The following INSR variants were observed in gnomAD, a reference collection of about 807,000 sequenced individuals.
INSR encodes IR.
A neutral mutation model predicts 142.6 loss-of-function variants in INSR; 67 were observed. The ratio of observed to expected loss-of-function variants is 0.47; its 90% CI spans 0.39 to 0.58. The LOEUF (loss-of-function observed/expected upper bound fraction) is 0.58, where lower values mean the gene tolerates loss of function less well. Among genes scored for constraint, INSR ranks in the 20% least tolerant of loss-of-function variants. The probability of loss-of-function intolerance (pLI) is 0.00; values close to 1 mark genes in which losing one functional copy is unlikely to be tolerated. For synonymous variants in INSR, 756 were observed against 743.1 expected (o/e 1.02, Z -0.28); for missense variants, 1,248 against 1,833.2 (o/e 0.68, Z 5.83).
At chr19:7,245,974 A>G (rs568399152) in intron 2 of INSR, among the ~76,000 whole-genome samples, 2 of 152,306 alleles carry the variant, frequency 1.3e-5, no homozygotes, top group South Asian at 4.1e-4. Context: ...TGGAATTCAT[A>G]AAGTTAAATT....
At chr19:7,151,561 C>T (rs1973361867) in intron 10 of INSR, among the ~76,000 whole-genome samples, 1 of 151,758 alleles carries the variant, frequency 6.6e-6, no homozygotes, top group South Asian at 2.1e-4. Context: ...GCTGGGATTA[C>T]ACGAGTGAGC....
chr19:7,127,722 A>T (rs1292285488), intron 15 of INSR, among the ~76,000 whole-genome samples: 1 of 151,896 alleles, frequency 6.6e-6, no homozygotes, highest in African/African-American at 2.4e-5. Context: ...AGGCTTGAGA[A>T]AGTGATGAGA....
In INSR at chr19:7,132,275, G is replaced by A. The variant is rs374004972; in HGVS notation, c.2725C>T (p.Arg909Trp). 64 of 1,614,060 alleles carry A rather than the reference G, an allele frequency of 4.0e-5. No individual in the cohort carries two copies. The highest frequency in any genetic ancestry group is 6.7e-5 in the African/African-American group (5 of 74,948). The change falls in exon 14 of 22, where the codon CGG becomes TGG. Residue 909 changes from arginine to tryptophan, a missense_variant. By Grantham distance (101) the Arg-to-Trp change is moderately radical. Coordinates refer to ENST00000302850, the MANE Select transcript of INSR (RefSeq NM_000208.4). Reference sequence around the variant, plus strand: ...GACAGCCCACGCAGCCTGCAGCCCCGTTCCAGAGCGAAGTGCTTGCGGGAG... The same window carrying A: ...GACAGCCCACGCAGCCTGCAGCCCCATTCCAGAGCGAAGTGCTTGCGGGAG... ...CVSRKHFALE[R>W]GCRLRGLSPG...
In INSR at chr19:7,116,793, C is replaced by G. The variant is rs1407142987; in HGVS notation, c.*263G>C. 3.1e-6 allele frequency: 1 copy of G among 320,624 alleles called. No individual in the cohort carries two copies. Among genetic ancestry groups the G allele is most frequent in the East Asian group, 5.7e-5 (1 of 17,498 alleles). The allele number at this position is 320,624 out of a possible 1,614,324, so 19.9% of individuals were successfully genotyped here. A position where few individuals can be genotyped will look rare whatever the true frequency, so the allele number is the denominator to read the frequency against. On this transcript the variant is annotated 3_prime_UTR_variant, in exon 22 of 22. Coordinates refer to ENST00000302850, the MANE Select transcript of INSR (RefSeq NM_000208.4). ...GGGGGGAACGAAAAAACACAAAATCCTGGTTTGAAACCGTCGTTGCCCCAA... is the reference window on the plus strand; with the variant it reads ...GGGGGGAACGAAAAAACACAAAATCGTGGTTTGAAACCGTCGTTGCCCCAA...
rs1423526006 is a variant in INSR, at chr19:7,184,540, G to C, written c.750C>G (p.Thr250=). ...LGNCSQPDDP[T]KCVACRNFYL... is the part of the protein sequence containing the mutation. Reference sequence around the variant, plus strand: ...AGAAGTTGCGGCAGGCCACGCACTTGGTGGGGTCGTCGGGCTGAGAACAGT... The same window carrying C: ...AGAAGTTGCGGCAGGCCACGCACTTCGTGGGGTCGTCGGGCTGAGAACAGT... Residue 250 remains threonine (T), a synonymous_variant, in exon 3 of 22, where the codon ACC becomes ACG. Coordinates refer to ENST00000302850, the MANE Select transcript of INSR (RefSeq NM_000208.4). 3.1e-6 allele frequency: 5 copies of C among 1,613,736 alleles called. No homozygotes were observed. Among genetic ancestry groups the C allele is most frequent in the Non-Finnish European group, 4.2e-6 (5 of 1,179,980 alleles).
chr19:7,161,905 G>A (rs560239475), intron 9 of INSR, among the ~76,000 whole-genome samples: 11 of 152,216 alleles, frequency 7.2e-5, no homozygotes, highest in South Asian at 2.1e-4. Flanking sequence ...TGTATGAGCC[G>A]GTCATAGTGG....
At chr19:7,249,219 A>G (rs1976632377) in intron 2 of INSR, among the ~76,000 whole-genome samples, 1 of 152,090 alleles carries the variant, frequency 6.6e-6, no homozygotes, top group Non-Finnish European at 1.5e-5. Context: ...AGGTTCAGCT[A>G]TCGCTCTCCC....
At chr19:7,189,623 C>T (rs1974522225) in intron 2 of INSR, among the ~76,000 whole-genome samples, 1 of 151,922 alleles carries the variant, frequency 6.6e-6, no homozygotes, top group South Asian at 2.1e-4. Context: ...AGTTTATCAA[C>T]CTGCACTAGT....
intron 9 of INSR, among the ~76,000 whole-genome samples, chr19:7,162,163 C>T (rs1321760455): frequency 3.3e-5 from 5 of 151,722 alleles, no homozygotes; most frequent in Non-Finnish European, 5.9e-5. Context: ...CCCATCTCTA[C>T]TAAAAATACA....
chr19:7,151,047 TTCTTTC>T (rs1973325041), intron 10 of INSR, among the ~76,000 whole-genome samples: 2 of 70,140 alleles, frequency 2.9e-5, no homozygotes, highest in Non-Finnish European at 1.1e-4. Flanking sequence ...TTTTTTCATT[TTCTTTC>T]TCTTTCTTTT....
At chr19:7,235,971 C>CTTTT (rs34478636) in intron 2 of INSR, among the ~76,000 whole-genome samples, 29 of 129,858 alleles carry the variant, frequency 2.2e-4, no homozygotes, top group African/African-American at 7.7e-4. Context: ...CTGGCCTTTC[C>CTTTT]TTTTTTTTTT....
intron 2 of INSR, among the ~76,000 whole-genome samples, chr19:7,251,471 G>C (rs930231436): frequency 4.8e-4 from 73 of 151,424 alleles, no homozygotes; most frequent in Non-Finnish European, 9.0e-4. Flanking sequence ...ATGTTGTCCA[G>C]GCTGGTCTCC....
intron 3 of INSR, among the ~76,000 whole-genome samples, chr19:7,179,354 G>C (rs771452980): frequency 6.6e-6 from 1 of 152,234 alleles, no homozygotes; most frequent in Non-Finnish European, 1.5e-5. Flanking sequence ...TGAAGCAAGG[G>C]AAATCTCATG....
chr19:7,268,607 C>A, intron 1 of INSR: 1 of 985,302 alleles, frequency 1.0e-6, no homozygotes, highest in Non-Finnish European at 1.2e-6. Context: ...TCTTGCACAA[C>A]TCCAAGACTC....
chr19:7,260,222 G>A (rs1157414628), intron 2 of INSR, among the ~76,000 whole-genome samples: 3 of 152,104 alleles, frequency 2.0e-5, no homozygotes, highest in Non-Finnish European at 2.9e-5. Context: ...ACCCAGGGAG[G>A]AGGGATTTGC....
chr19:7,134,714 G>A (rs1346764508), intron 13 of INSR, among the ~76,000 whole-genome samples: 2 of 151,994 alleles, frequency 1.3e-5, no homozygotes, highest in African/African-American at 4.8e-5. Flanking sequence ...GTAGTGAGTC[G>A]AGATCGTGAC....
chr19:7,252,543 T>C (rs56374634), intron 2 of INSR, among the ~76,000 whole-genome samples: 42 of 152,300 alleles, frequency 2.8e-4, no homozygotes, highest in Non-Finnish European at 4.6e-4. Context: ...ACAAGAGCCT[T>C]GTTCACCAGC....
chr19:7,293,119 G>C (rs778789522), intron 1 of INSR, among the ~76,000 whole-genome samples: 1 of 152,136 alleles, frequency 6.6e-6, no homozygotes, highest in Admixed American at 6.6e-5. Flanking sequence ...AGGCTGTGGC[G>C]TGCGGTGATA....
chr19:7,169,296 G>A (rs1220233175), intron 6 of INSR, among the ~76,000 whole-genome samples: 9 of 152,006 alleles, frequency 5.9e-5, no homozygotes, highest in East Asian at 1.9e-4. Context: ...ATGGCTGAGC[G>A]TGGTGACTCA....
Sources: allele counts gnomAD v4.1 joint callset (sites outside exome capture counted in the v4.1 genomes callset), GRCh38; gene constraint gnomAD v4.1.1; transcripts MANE v1.5; gene names NCBI Gene and HGNC (gene_info 2026-07-23, HGNC 2026-07-21).